Variants in CEP83 observed in about 807,000 individuals in gnomAD.
The protein encoded by CEP83 is centrosomal protein of 83 kDa.
Under a neutral mutation model 101.9 loss-of-function variants are expected in CEP83, and 70 were observed. That is an observed-to-expected ratio of 0.69 (90% confidence interval 0.57 to 0.84). CEP83 has a LOEUF of 0.84. Among genes scored for constraint, CEP83 ranks in the 40% least tolerant of loss-of-function variants. The pLI is 0.00. For missense variants in CEP83, 715 were observed against 787.2 expected (o/e 0.91, Z 1.10); for synonymous variants, 264 against 267.9 (o/e 0.99, Z 0.14).
At chr12:94,271,865 G>A in the CEP83 span, among the ~76,000 whole-genome samples, 1 of 152,108 alleles carries the variant, frequency 6.6e-6, no homozygotes, top group African/African-American at 2.4e-5. Context: ...TGGGATGTGG[G>A]GGAGTTGATT....
intron 14 of CEP83, chr12:94,328,237 G>T: frequency 3.1e-6 from 1 of 324,476 alleles, no homozygotes; most frequent in Non-Finnish European, 6.3e-6. Context: ...TCTTCAATGG[G>T]GGTGGGGGGA....
At chr12:94,311,329 A>G (rs1194342328) in intron 15 of CEP83, among the ~76,000 whole-genome samples, 1 of 152,196 alleles carries the variant, frequency 6.6e-6, no homozygotes, top group Admixed American at 6.5e-5. Context: ...GCTGGTTAAC[A>G]TAAGTTTCCC....
At chr12:94,311,191 CAGGTGTCTGCAGGGAGGCATGCCCAGAG>C (rs1231591346) in intron 15 of CEP83, among the ~76,000 whole-genome samples, 2 of 152,182 alleles carry the variant, frequency 1.3e-5, no homozygotes, top group African/African-American at 4.8e-5. Context: ...TGAACATGTG[CAGGTGTCTGCAGGGAGGCATGCCCAGAG>C]AGGGCATGGA....
At chr12:94,387,920 A>G (rs73218251) in intron 6 of CEP83, among the ~76,000 whole-genome samples, 17,643 of 149,426 alleles carry the variant, frequency 0.12, 1,276 homozygotes, top group Non-Finnish European at 0.15. Context: ...TACTAAAAGG[A>G]AAAAAAAAAT....
the CEP83 span, among the ~76,000 whole-genome samples, chr12:94,300,257 G>T: frequency 6.6e-6 from 1 of 152,192 alleles, no homozygotes; most frequent in Admixed American, 6.5e-5. Flanking sequence ...AGGCTAGTAT[G>T]TGTCAGGACT....
chr12:94,359,419 T>C (rs1189140136), intron 11 of CEP83, among the ~76,000 whole-genome samples: 1 of 151,880 alleles, frequency 6.6e-6, no homozygotes, highest in Non-Finnish European at 1.5e-5. Flanking sequence ...AAGACCCAAA[T>C]AAATAAAATC....
intron 2 of CEP83, among the ~76,000 whole-genome samples, chr12:94,414,859 T>C (rs1251804933): frequency 1.3e-5 from 2 of 152,162 alleles, no homozygotes; most frequent in Non-Finnish European, 2.9e-5. Context: ...AATGTTGATA[T>C]GTGACAGCTC....
chr12:94,333,160 T>C (rs1186977811), intron 13 of CEP83, among the ~76,000 whole-genome samples: 1 of 152,012 alleles, frequency 6.6e-6, no homozygotes, highest in East Asian at 1.9e-4. Context: ...CCCATTCTGT[T>C]CTCTGGCATT....
At chr12:94,337,660 T>C (rs1049367845) in intron 11 of CEP83, among the ~76,000 whole-genome samples, 4 of 152,072 alleles carry the variant, frequency 2.6e-5, no homozygotes, top group Non-Finnish European at 5.9e-5. Flanking sequence ...CAGAAAAAAC[T>C]GCAATTAACT....
chr12:94,396,187 CT>C (rs2062879148), intron 6 of CEP83, among the ~76,000 whole-genome samples: 1 of 150,670 alleles, frequency 6.6e-6, no homozygotes, highest in Admixed American at 6.6e-5. Flanking sequence ...AATAGTCCCA[CT>C]TTTGAATAAT....
chr12:94,310,624 G>T (rs1038605970), intron 15 of CEP83, among the ~76,000 whole-genome samples: 2 of 152,126 alleles, frequency 1.3e-5, no homozygotes, highest in Admixed American at 6.5e-5. Context: ...CACATCCTGT[G>T]AATACTATAT....
intron 1 of CEP83, among the ~76,000 whole-genome samples, chr12:94,446,757 G>A (rs535164201): frequency 1.3e-5 from 2 of 152,088 alleles, no homozygotes; most frequent in Admixed American, 1.3e-4. Flanking sequence ...TACTGTACAC[G>A]AAATATGCAG....
intron 9 of CEP83, 21 bp downstream of exon 9, chr12:94,369,901 G>C: frequency 8.4e-7 from 1 of 1,187,696 alleles, no homozygotes; most frequent in East Asian, 2.4e-5. Context: ...AGCAGCAGCA[G>C]CAAGGGAAAT....
intron 13 of CEP83, 73 bp from the exon 14 acceptor site, chr12:94,331,902 T>C (rs2059241518): frequency 1.4e-6 from 2 of 1,384,498 alleles, no homozygotes; most frequent in Non-Finnish European, 2.0e-6. Context: ...ATCACAAGTA[T>C]AAGCAAACTC....
At chr12:94,300,379 C>T in the CEP83 span, among the ~76,000 whole-genome samples, 1 of 152,090 alleles carries the variant, frequency 6.6e-6, no homozygotes, top group African/African-American at 2.4e-5. Context: ...GGCAGACAGA[C>T]GCCAAGAGCA....
chr12:94,417,157 CA>C (rs34484962), intron 2 of CEP83, among the ~76,000 whole-genome samples: 1,572 of 150,586 alleles, frequency 0.01, 13 homozygotes, highest in South Asian at 0.039. Flanking sequence ...CAAAAACAAA[CA>C]AAAAAAAGTC....
In CEP83 at chr12:94,336,829, C is replaced by CT. The variant is rs1172888174; in HGVS notation, c.1344-1166dup. On this transcript the variant is annotated intron_variant, in intron 11 of 16. Coordinates refer to ENST00000397809, the MANE Select transcript of CEP83 (RefSeq NM_016122.3). Reference sequence around the variant, plus strand: ...ATGAATGTTATCAACTGGGTGCCTTCTTTTTTTTTTTTTAAATAAGAGATG... The same window carrying CT: ...ATGAATGTTATCAACTGGGTGCCTTCTTTTTTTTTTTTTTAAATAAGAGATG... 2.8e-3 allele frequency among the ~76,000 whole-genome samples: 410 copies of CT among 144,212 alleles called. 1 individual carries two copies. Among genetic ancestry groups the CT allele is most frequent in the African/African-American group, 7.4e-3 (295 of 39,616 alleles). The allele number at this position is 144,212 out of a possible 152,430, so 94.6% of individuals were successfully genotyped here.
At chr12:94,324,091 A>T (rs534427789) in intron 14 of CEP83, among the ~76,000 whole-genome samples, 1 of 152,244 alleles carries the variant, frequency 6.6e-6, no homozygotes, top group East Asian at 1.9e-4. Context: ...AATATTTAAG[A>T]TTTTTACATG....
At chr12:94,318,934 G>T (rs1291618850) in intron 14 of CEP83, among the ~76,000 whole-genome samples, 2 of 152,126 alleles carry the variant, frequency 1.3e-5, no homozygotes, top group Non-Finnish European at 2.9e-5. Context: ...GAATGATTTG[G>T]GAAGGATTTC....
Sources: allele counts gnomAD v4.1 joint callset (sites outside exome capture counted in the v4.1 genomes callset), GRCh38; gene constraint gnomAD v4.1.1; transcripts MANE v1.5; gene names NCBI Gene and HGNC (gene_info 2026-07-23, HGNC 2026-07-21).